The following CCDC149 variants were observed in gnomAD, a reference collection of about 807,000 sequenced individuals.
The protein encoded by CCDC149 is coiled-coil domain-containing protein 149.
CCDC149 carries 45 observed loss-of-function variants against 59.9 expected under a neutral mutation model. The observed-to-expected ratio is 0.75, with a 90% CI of 0.59 to 0.96. The LOEUF (loss-of-function observed/expected upper bound fraction) is 0.96, where lower values mean the gene tolerates loss of function less well. CCDC149 is among the 40% of genes least tolerant of loss of function. The probability of loss-of-function intolerance (pLI) is 0.00; values close to 1 mark genes in which losing one functional copy is unlikely to be tolerated. For synonymous variants in CCDC149, 245 were observed against 260.6 expected (o/e 0.94, Z 0.58); for missense variants, 584 against 664.7 (o/e 0.88, Z 1.33).
intron 12 of CCDC149, among the ~76,000 whole-genome samples, chr4:24,819,560 A>C (rs979704151): frequency 1.3e-4 from 20 of 152,168 alleles, no homozygotes; most frequent in Admixed American, 7.9e-4. Context: ...AGCTCAGGTG[A>C]AACACCCACA....
chr4:24,949,866 C>T (rs955573225), intron 1 of CCDC149, among the ~76,000 whole-genome samples: 20 of 152,304 alleles, frequency 1.3e-4, no homozygotes, highest in Non-Finnish European at 2.6e-4. Flanking sequence ...GGGATTCATC[C>T]GTGGACTCCC....
intron 1 of CCDC149, among the ~76,000 whole-genome samples, chr4:24,931,637 T>C (rs1484773994): frequency 6.6e-6 from 1 of 151,428 alleles, no homozygotes; most frequent in Admixed American, 6.6e-5. Flanking sequence ...CACATGACCC[T>C]AATTGCAAAA....
At chr4:24,865,024 A>G (rs574083467) in intron 3 of CCDC149, among the ~76,000 whole-genome samples, 17 of 152,334 alleles carry the variant, frequency 1.1e-4, no homozygotes, top group African/African-American at 3.6e-4. Context: ...TGGAAAAGTT[A>G]TTCTACACCA....
intron 1 of CCDC149, among the ~76,000 whole-genome samples, chr4:24,902,878 G>A (rs184430438): frequency 1.3e-5 from 2 of 151,792 alleles, no homozygotes; most frequent in Admixed American, 1.3e-4. Context: ...AGAAAAATTA[G>A]CCAGGAAATG....
intron 8 of CCDC149, among the ~76,000 whole-genome samples, chr4:24,832,681 A>G (rs935942455): frequency 1.3e-5 from 2 of 152,346 alleles, no homozygotes; most frequent in Admixed American, 1.3e-4. Flanking sequence ...CATGTCACTT[A>G]CAAATATATA....
Position 24,836,478 on chromosome 4 carries a change from A to G in CCDC149, c.693T>C (p.His231=), listed in dbSNP as rs754503016. 1.9e-6 allele frequency: 3 copies of G among 1,612,704 alleles called. No individual in the cohort carries two copies. Among genetic ancestry groups the G allele is most frequent in the African/African-American group, 2.7e-5 (2 of 74,890 alleles). The change falls in exon 7 of 13, where the codon CAT becomes CAC. Residue 231 remains histidine, a synonymous_variant. Transcript: ENST00000635206. ...TTGATTTCAAGAGGTTGACCTCTTC[A>G]TGGAGTTGCTTTAATCTCTCTTGAA...
chr4:24,833,244 G>A (rs76032249), intron 8 of CCDC149, among the ~76,000 whole-genome samples: 108 of 149,880 alleles, frequency 7.2e-4, no homozygotes, highest in African/African-American at 2.4e-3. Context: ...AAAAAAACCC[G>A]GCTTTTTTCA....
rs1328848000 is a variant in CCDC149, at chr4:24,837,901, A to G, written c.489+255T>C. ...GTCACGTGTTGTTCTCTCCCTGTCT[A>G]TCCTGGCTAGGAGGAACGTTTCTTG... On this transcript the variant is annotated intron_variant, in intron 5 of 12. Transcript: ENST00000635206. The surrounding 1 kb of genome is among the most constrained non-coding windows in gnomAD (Gnocchi z 4.3). Among the ~76,000 whole-genome samples the G allele has an allele frequency of 6.6e-6, 1 of 152,190 alleles. No individual in the cohort carries two copies. Among genetic ancestry groups the G allele is most frequent in the African/African-American group, 2.4e-5 (1 of 41,446 alleles).
Position 24,807,693 on chromosome 4 carries a change from T to A in CCDC149, c.*696A>T, listed in dbSNP as rs1441030178. ...CTCCCAGTCACTTCAGATCAGTTAATTCTCCAGATTTACAAGCTAGAAAAC... is the reference window on the plus strand; with the variant it reads ...CTCCCAGTCACTTCAGATCAGTTAAATCTCCAGATTTACAAGCTAGAAAAC... On this transcript the variant is annotated 3_prime_UTR_variant, in exon 13 of 13. Coordinates refer to ENST00000635206, the MANE Select transcript of CCDC149 (RefSeq NM_001330643.2). 1 of 152,246 alleles carries A rather than the reference T, an allele frequency of 6.6e-6. No individual in the cohort carries two copies. The highest frequency in any genetic ancestry group is 2.4e-5 in the African/African-American group (1 of 41,444). 9.4% of individuals were successfully genotyped at this position (152,246 alleles called of 1,614,324 possible). A position where few individuals can be genotyped will look rare whatever the true frequency, so the allele number is the denominator to read the frequency against.
rs1220143860 is a variant in CCDC149 at position 24,806,319 on chromosome 4, C to T, written c.*2070G>A. The T allele has an allele frequency of 6.6e-6, 1 of 152,358 alleles. No homozygotes were observed. Among genetic ancestry groups the T allele is most frequent in the Non-Finnish European group, 1.5e-5 (1 of 68,104 alleles). 9.4% of individuals were successfully genotyped at this position (152,358 alleles called of 1,614,324 possible). A position where few individuals can be genotyped will look rare whatever the true frequency, so the allele number is the denominator to read the frequency against. On this transcript the variant is annotated 3_prime_UTR_variant, in exon 13 of 13. Transcript: ENST00000635206. ...ACTACACACAGTTTAGGTTATCACT[C>T]CTTATGACTCCTGCTCCCTGCCCTG...
At chr4:24,809,579 C>G (rs1398498270) in intron 12 of CCDC149, among the ~76,000 whole-genome samples, 1 of 151,708 alleles carries the variant, frequency 6.6e-6, no homozygotes, top group Non-Finnish European at 1.5e-5. Context: ...GAGTGGGGAG[C>G]AGCATGGCGG....
At chr4:24,809,810 A>C (rs1338490845) in intron 12 of CCDC149, among the ~76,000 whole-genome samples, 3 of 152,322 alleles carry the variant, frequency 2.0e-5, no homozygotes, top group Non-Finnish European at 4.4e-5. Flanking sequence ...ACCCTGCTGT[A>C]GTGGGGCTTG....
At chr4:24,930,512 C>T (rs961883071) in intron 1 of CCDC149, among the ~76,000 whole-genome samples, 13 of 152,164 alleles carry the variant, frequency 8.5e-5, no homozygotes, top group Admixed American at 6.5e-4. Context: ...ACAAAAACTA[C>T]GATTCTTGGT....
At chr4:24,825,730 G>A (rs1403467364) in intron 9 of CCDC149, among the ~76,000 whole-genome samples, 2 of 150,288 alleles carry the variant, frequency 1.3e-5, no homozygotes, top group African/African-American at 2.5e-5. Context: ...CCGAGATAGC[G>A]CCACTGCACT....
rs746437079 is a variant in CCDC149, at chr4:24,885,666, A to T, written c.64-8969T>A. Among the ~76,000 whole-genome samples the T allele has an allele frequency of 4.0e-4, 61 of 152,316 alleles. No individual in the cohort carries two copies. The Middle Eastern group carries it at 0.014, about 34-fold the overall frequency. ...GGAAATATCCCACTTTCTGGTCACT[A>T]GGAGGGGCCAAGAGACAAACACTTT... On this transcript the variant is annotated intron_variant, in intron 1 of 12. Coordinates refer to ENST00000635206, the MANE Select transcript of CCDC149 (RefSeq NM_001330643.2).
At chr4:24,805,155 C>T (rs894671701), downstream of CCDC149, among the ~76,000 whole-genome samples, 2 of 152,150 alleles carry the variant, frequency 1.3e-5, no homozygotes, top group African/African-American at 2.4e-5. Flanking sequence ...AGGCACAGAG[C>T]GATCACAGGA....
intron 11 of CCDC149, among the ~76,000 whole-genome samples, chr4:24,820,368 T>C (rs1285081733): frequency 1.3e-5 from 2 of 152,088 alleles, no homozygotes; most frequent in Non-Finnish European, 2.9e-5. Context: ...AACACATCGA[T>C]GGGCTGATAA....
chr4:24,866,789 C>CAAAAAAAAA (rs11382183), intron 3 of CCDC149, among the ~76,000 whole-genome samples: 1 of 129,706 alleles, frequency 7.7e-6, no homozygotes. Context: ...ACCCAAAAAG[C>CAAAAAAAAA]AAAAAAAAAA....
intron 1 of CCDC149, among the ~76,000 whole-genome samples, chr4:24,877,610 C>A (rs1220038035): frequency 6.6e-6 from 1 of 152,254 alleles, no homozygotes; most frequent in Non-Finnish European, 1.5e-5. Context: ...GCAAATTCAT[C>A]CACTAACATG....
Sources: allele counts gnomAD v4.1 joint callset (sites outside exome capture counted in the v4.1 genomes callset), GRCh38; gene constraint gnomAD v4.1.1; non-coding constraint Gnocchi (gnomAD v3.1); transcripts MANE v1.5; gene names NCBI Gene and HGNC (gene_info 2026-07-23, HGNC 2026-07-21).